SLIT2: variants seen among roughly 807,000 people sequenced by gnomAD.
SLIT2 encodes the protein slit guidance ligand 2.
In SLIT2, 41 loss-of-function variants were observed where a neutral mutation model predicts 185.7. That is an observed-to-expected ratio of 0.22 (90% confidence interval 0.17 to 0.29). The LOEUF (loss-of-function observed/expected upper bound fraction) is 0.29, where lower values mean the gene tolerates loss of function less well. Ranked by LOEUF, SLIT2 falls within the 10% of genes least tolerant of loss-of-function variation. SLIT2 has a pLI of 1.00. For synonymous variants in SLIT2, 693 were observed against 680.2 expected, an observed-to-expected ratio of 1.02 and a Z score of -0.29; for missense variants, 1,571 against 1,909.0, an observed-to-expected ratio of 0.82 and a Z score of 3.30.
intron 3 of SLIT2, among the ~76,000 whole-genome samples, chr4:20,265,938 C>T (rs974040074): frequency 6.6e-6 from 1 of 151,844 alleles, no homozygotes; most frequent in African/African-American, 2.4e-5. Flanking sequence ...TAGTGTCATA[C>T]CACCTTTATT....
chr4:20,563,284 T>A (rs1437356763), intron 26 of SLIT2, among the ~76,000 whole-genome samples: 1 of 151,824 alleles, frequency 6.6e-6, no homozygotes, highest in Non-Finnish European at 1.5e-5. Context: ...TTAGTAAAGA[T>A]CTTTATCCCT....
intron 3 of SLIT2, among the ~76,000 whole-genome samples, chr4:20,266,345 T>A (rs572722443): frequency 3.9e-4 from 59 of 151,998 alleles, no homozygotes; most frequent in Non-Finnish European, 8.8e-5. Context: ...AGCTTCTAGG[T>A]GATGCCGAGA....
chr4:20,591,863 G>A (rs186873106), intron 30 of SLIT2, among the ~76,000 whole-genome samples: 42 of 152,180 alleles, frequency 2.8e-4, no homozygotes, highest in African/African-American at 9.4e-4. Flanking sequence ...TAGAAAGTGA[G>A]TTTGTCTGCA....
At chr4:20,275,986 A>G (rs2109044194) in intron 4 of SLIT2, among the ~76,000 whole-genome samples, 1 of 152,226 alleles carries the variant, frequency 6.6e-6, no homozygotes, top group South Asian at 2.1e-4. Context: ...GAACACTTTC[A>G]CTACTAATAA....
intron 4 of SLIT2, among the ~76,000 whole-genome samples, chr4:20,336,643 C>T (rs1020418137): frequency 5.3e-5 from 8 of 151,946 alleles, no homozygotes; most frequent in African/African-American, 1.9e-4. Flanking sequence ...AACAAACCTG[C>T]ACGTTGTGCA....
At chr4:20,292,040 G>A (rs1338650990) in intron 4 of SLIT2, among the ~76,000 whole-genome samples, 3 of 152,006 alleles carry the variant, frequency 2.0e-5, no homozygotes, top group African/African-American at 7.2e-5. Flanking sequence ...TTGTCTTCAG[G>A]TTTGGTGCAA....
Position 20,398,060 on chromosome 4 carries a change from A to T in SLIT2, c.396-69692A>T, listed in dbSNP as rs1422130247. On this transcript the variant is annotated intron_variant, in intron 4 of 36. Transcript: ENST00000504154. ...CTGTGAGATACCCATGAAGTCAGGT[A>T]CATGAGGTACCTAGTGTGAGATTGT... Among the ~76,000 whole-genome samples the T allele has an allele frequency of 5.9e-5, 9 of 151,934 alleles. No individual in the cohort carries two copies. In the East Asian group the frequency reaches 1.7e-3, roughly 29 times the overall value.
chr4:20,546,179 A>G (rs964045382), intron 22 of SLIT2, 80 bp downstream of exon 22: 20 of 731,662 alleles, frequency 2.7e-5, no homozygotes, highest in Non-Finnish European at 3.7e-5. Context: ...GATTTAGTGA[A>G]CCTTCCAGAT....
chr4:20,265,380 C>T (rs77264712), intron 3 of SLIT2, among the ~76,000 whole-genome samples: 2,554 of 151,692 alleles, frequency 0.017, 33 homozygotes, highest in Middle Eastern at 0.037. Context: ...ACCATTTAAC[C>T]TTAGTATGGA....
rs532278845 is a variant in SLIT2, at chr4:20,372,015, A to G, written c.396-95737A>G. Among the ~76,000 whole-genome samples the G allele has an allele frequency of 3.3e-5, 5 of 152,266 alleles. No homozygotes were observed. In the South Asian group the frequency reaches 1.0e-3, roughly 32 times the overall value. ...ACAAAAAGAGAGATTCCATTTATCC[A>G]GCACTATTTTCATCATTCTGTTGCT... On this transcript the variant is annotated intron_variant, in intron 4 of 36. Transcript: ENST00000504154.
At chr4:20,417,272 T>C (rs188890714) in intron 4 of SLIT2, among the ~76,000 whole-genome samples, 161 of 151,908 alleles carry the variant, frequency 1.1e-3, no homozygotes, top group Non-Finnish European at 2.0e-3. Context: ...GTCCATAGTC[T>C]CATGATTTGG....
chr4:20,520,145 G>A (rs1031737981), intron 12 of SLIT2, among the ~76,000 whole-genome samples: 21 of 152,006 alleles, frequency 1.4e-4, no homozygotes, highest in Middle Eastern at 3.5e-3. Flanking sequence ...GATGGTGTGC[G>A]GTGAGCTGTA....
intron 4 of SLIT2, among the ~76,000 whole-genome samples, chr4:20,457,176 C>T (rs1417507238): frequency 3.9e-5 from 6 of 151,936 alleles, no homozygotes; most frequent in African/African-American, 1.4e-4. Flanking sequence ...TTGACCACAA[C>T]CAGGCATAGC....
At chr4:20,467,192 T>C (rs1174113522) in intron 4 of SLIT2, among the ~76,000 whole-genome samples, 2 of 152,190 alleles carry the variant, frequency 1.3e-5, no homozygotes, top group African/African-American at 4.8e-5. Flanking sequence ...CTGCTATTAA[T>C]ATTTTATGCA....
intron 9 of SLIT2, among the ~76,000 whole-genome samples, chr4:20,509,912 CCA>C (rs1402872048): frequency 1.3e-5 from 2 of 152,094 alleles, no homozygotes; most frequent in Non-Finnish European, 2.9e-5. Context: ...CAAAATGAAT[CCA>C]CAGAGTCTAG....
intron 34 of SLIT2, among the ~76,000 whole-genome samples, chr4:20,613,579 G>GA (rs1388304525): frequency 1.3e-5 from 2 of 152,096 alleles, no homozygotes; most frequent in Non-Finnish European, 2.9e-5. Flanking sequence ...CCTGGGTGCT[G>GA]AAATAGTCCG....
intron 9 of SLIT2, among the ~76,000 whole-genome samples, chr4:20,493,946 A>C (rs1718007136): frequency 1.3e-5 from 2 of 152,250 alleles, no homozygotes; most frequent in South Asian, 4.1e-4. Context: ...GATGTAATCA[A>C]ATAGGAATTC....
intron 4 of SLIT2, among the ~76,000 whole-genome samples, chr4:20,396,915 AT>A (rs1384120033): frequency 1.3e-5 from 2 of 149,820 alleles, no homozygotes; most frequent in Non-Finnish European, 3.0e-5. Flanking sequence ...ATATTTGTAA[AT>A]TTATATAAAT....
intron 9 of SLIT2, among the ~76,000 whole-genome samples, chr4:20,500,745 T>C (rs1169867740): frequency 1.3e-5 from 2 of 152,192 alleles, no homozygotes; most frequent in East Asian, 3.8e-4. Flanking sequence ...AAAATAGTTT[T>C]GTTAGTTTTT....
Sources: allele counts gnomAD v4.1 joint callset (sites outside exome capture counted in the v4.1 genomes callset), GRCh38; gene constraint gnomAD v4.1.1; transcripts MANE v1.5; gene names NCBI Gene and HGNC (gene_info 2026-07-23, HGNC 2026-07-21).